The following PRRC2B variants were observed in gnomAD, a reference collection of about 807,000 sequenced individuals.
PRRC2B encodes the protein protein PRRC2B.
A neutral mutation model predicts 242.3 loss-of-function variants in PRRC2B; 68 were observed. The observed-to-expected ratio is 0.28, with a 90% CI of 0.23 to 0.34. The LOEUF (loss-of-function observed/expected upper bound fraction) is 0.34, where lower values mean the gene tolerates loss of function less well. Among genes scored for constraint, PRRC2B ranks in the 10% least tolerant of loss-of-function variants. PRRC2B has a pLI of 1.00. For synonymous variants in PRRC2B, 1,228 were observed against 1,173.6 expected (o/e 1.05, Z -0.95); for missense variants, 2,835 against 2,954.8 (o/e 0.96, Z 0.94).
At chr9:131,419,099 C>T (rs1837732128) in intron 1 of PRRC2B, among the ~76,000 whole-genome samples, 1 of 152,082 alleles carries the variant, frequency 6.6e-6, no homozygotes. Flanking sequence ...TGGGATTATC[C>T]ACTTCCATAA....
At chr9:131,451,881 A>T (rs1020385872) in intron 9 of PRRC2B, among the ~76,000 whole-genome samples, 25 of 152,012 alleles carry the variant, frequency 1.6e-4, no homozygotes, top group Non-Finnish European at 1.0e-4. Flanking sequence ...TTTAATGCTA[A>T]ACCAACCTTG....
chr9:131,452,623 T>TGTTA (rs5900940), intron 9 of PRRC2B, among the ~76,000 whole-genome samples: 149,053 of 152,190 alleles, frequency 0.98, 73,073 homozygotes, highest in East Asian at 1. Flanking sequence ...GGAATTGAAT[T>TGTTA]GTTTTATTAA....
At chr9:131,491,328 T>C (rs761012735) in intron 28 of PRRC2B, 97 bp from the exon 29 acceptor site, 235 of 1,180,608 alleles carry the variant, frequency 2.0e-4, no homozygotes, top group Non-Finnish European at 2.6e-4. Flanking sequence ...TCTTCTGAAG[T>C]GTATGAATCT....
Position 131,475,279 on chromosome 9 carries a change from C to G in PRRC2B, c.3150C>G (p.Ile1050Met). 6.2e-7 allele frequency: 1 copy of G among 1,612,452 alleles called. No individual in the cohort carries two copies. Among genetic ancestry groups the G allele is most frequent in the Non-Finnish European group, 8.5e-7 (1 of 1,179,420 alleles). Residue 1050 changes from isoleucine (I) to methionine (M), a missense_variant, in exon 16 of 32, where the codon ATC becomes ATG. By Grantham distance (10) the Ile-to-Met change is conservative. Transcript: ENST00000683519. ...CCCCCATGAAGAGAAATAACTGGAT[C>G]TTTATTGATGAGGAGCAAGCCTTTG... ...DVPPMKRNNW[I>M]FIDEEQAFGV...
intron 12 of PRRC2B, 89 bp from the exon 13 acceptor site, chr9:131,467,474 C>A: frequency 8.4e-7 from 1 of 1,188,484 alleles, no homozygotes; most frequent in Non-Finnish European, 1.2e-6. Context: ...GCGTACGGGC[C>A]AACAGGAAGA....
rs2131388159 is a variant in PRRC2B, at chr9:131,446,358, C to A, written c.614-43C>A. 1 of 1,607,526 alleles carries A rather than the reference C, an allele frequency of 6.2e-7. No homozygotes were observed. Among genetic ancestry groups the A allele is most frequent in the South Asian group, 1.1e-5 (1 of 90,688 alleles). ...AGAACCTCATACGATCCCTCCTTCCCCCTCCTCTTCCCTCTCCCCTTTTGC... is the reference window on the plus strand; with the variant it reads ...AGAACCTCATACGATCCCTCCTTCCACCTCCTCTTCCCTCTCCCCTTTTGC... On this transcript the variant is annotated intron_variant, in intron 6 of 31. Transcript: ENST00000683519. The surrounding 1 kb of genome is among the most constrained non-coding windows in gnomAD (Gnocchi z 4.1).
intron 1 of PRRC2B, among the ~76,000 whole-genome samples, chr9:131,417,994 T>G (rs1204730630): frequency 6.6e-6 from 1 of 152,218 alleles, no homozygotes; most frequent in African/African-American, 2.4e-5. Context: ...TGTCTGGTCA[T>G]TGGCACAACC....
chr9:131,450,957 G>A (rs1174060271), intron 9 of PRRC2B, among the ~76,000 whole-genome samples: 1 of 152,162 alleles, frequency 6.6e-6, no homozygotes, highest in Non-Finnish European at 1.5e-5. Flanking sequence ...TCTCTCAGCA[G>A]TGTCTTACTT....
At chr9:131,447,243 G>A (rs1432767311) in intron 8 of PRRC2B, 37 bp downstream of exon 8, 1 of 1,610,428 alleles carries the variant, frequency 6.2e-7, no homozygotes, top group Non-Finnish European at 8.5e-7. Flanking sequence ...GTGTAGAGAT[G>A]AGTGCGGTGG....
At chr9:131,392,702 C>A (rs1441384586), upstream of PRRC2B, among the ~76,000 whole-genome samples, 1 of 152,046 alleles carries the variant, frequency 6.6e-6, no homozygotes, top group East Asian at 1.9e-4. Flanking sequence ...CACTTTAGCG[C>A]AGGAGTTCCA....
At position 131,474,730 on chromosome 9, in the gene PRRC2B, G is replaced by T. The variant is rs148672611; in HGVS notation, c.2601G>T (p.Glu867Asp). 9 of 1,612,344 alleles carry T rather than the reference G, an allele frequency of 5.6e-6. No homozygotes were observed. Among genetic ancestry groups the T allele is most frequent in the Non-Finnish European group, 6.8e-6 (8 of 1,179,376 alleles). Reference protein sequence around the residue: ...PDFVPDEKKPECGSWDVSHQP... With the variant: ...PDFVPDEKKPDCGSWDVSHQP... ...TTGTCCCAGATGAGAAAAAGCCAGA[G>T]TGTGGCAGTTGGGATGTTAGCCACC... Residue 867 changes from glutamate to aspartate, a missense_variant, in exon 16 of 32, where the codon GAG becomes GAT. Glu to Asp is a conservative substitution (Grantham distance 45). Around this residue, in one of 7 missense-constraint regions of PRRC2B, gnomAD observed 1,536 missense variants for 1,483.1 expected, o/e 1.04. Coordinates refer to ENST00000683519, the MANE Select transcript of PRRC2B (RefSeq NM_013318.4).
At position 131,487,797 on chromosome 9, in the gene PRRC2B, G is replaced by A; in HGVS notation, c.5985-59G>A. 6.4e-7 allele frequency: 1 copy of A among 1,563,720 alleles called. No homozygotes were observed. The highest frequency in any genetic ancestry group is 8.7e-7 in the Non-Finnish European group (1 of 1,148,944). Reference sequence around the variant, plus strand: ...CTCTCCGGGGATCTCTGAAGGGTGGGACCAGATCCGCAGCTGGACTCATCC... The same window carrying A: ...CTCTCCGGGGATCTCTGAAGGGTGGAACCAGATCCGCAGCTGGACTCATCC... On this transcript the variant is annotated intron_variant, in intron 27 of 31. Transcript: ENST00000683519. The surrounding 1 kb of genome is among the most constrained non-coding windows in gnomAD (Gnocchi z 5.3).
intron 10 of PRRC2B, among the ~76,000 whole-genome samples, chr9:131,455,552 T>C (rs1218721618): frequency 4.1e-4 from 57 of 138,398 alleles, no homozygotes; most frequent in Non-Finnish European, 3.2e-4. Context: ...GCTCTCACTC[T>C]GTCACCCAGG....
intron 4 of PRRC2B, among the ~76,000 whole-genome samples, chr9:131,437,400 G>A (rs573049481): frequency 3.9e-5 from 6 of 152,220 alleles, no homozygotes; most frequent in African/African-American, 1.4e-4. Context: ...CCAAGCAAGA[G>A]CTCATAACAC....
At position 131,482,931 on chromosome 9, in the gene PRRC2B, G is replaced by A. The variant is rs1256938429; in HGVS notation, c.5373+24G>A. On this transcript the variant is annotated intron_variant, in intron 22 of 31. Transcript: ENST00000683519. This position sits in a 1 kb window ranked among gnomAD's most constrained non-coding sequence, Gnocchi z 5.2. ...AAGTGAGGCTTTGATTTGTTTTCTT[G>A]CTTGCTTTTTTTACTTTTTATTTTG... 6.3e-7 allele frequency: 1 copy of A among 1,584,878 alleles called. No homozygotes were observed. Among genetic ancestry groups the A allele is most frequent in the South Asian group, 1.1e-5 (1 of 87,030 alleles).
intron 1 of PRRC2B, among the ~76,000 whole-genome samples, chr9:131,406,620 C>G (rs1837367969): frequency 6.6e-6 from 1 of 152,084 alleles, no homozygotes; most frequent in African/African-American, 2.4e-5. Flanking sequence ...CTTATCTGCC[C>G]CAAATGGATA....
chr9:131,487,775 T>G lies in PRRC2B; in HGVS notation c.5985-81T>G. 6.5e-7 allele frequency: 1 copy of G among 1,533,834 alleles called. No homozygotes were observed. Among genetic ancestry groups the G allele is most frequent in the Non-Finnish European group, 8.8e-7 (1 of 1,133,522 alleles). On this transcript the variant is annotated intron_variant, in intron 27 of 31. Transcript: ENST00000683519. The surrounding 1 kb of genome is among the most constrained non-coding windows in gnomAD (Gnocchi z 5.3). ...CGGGGATCTGTGGTTTAGCAAGCTC[T>G]CCGGGGATCTCTGAAGGGTGGGACC...
chr9:131,490,197 G>A (rs1944148075), intron 28 of PRRC2B, among the ~76,000 whole-genome samples: 1 of 151,508 alleles, frequency 6.6e-6, no homozygotes, highest in African/African-American at 2.4e-5. Context: ...TGCTTGTCCA[G>A]TCCACATCCT....
chr9:131,391,109 T>G (rs754018905), upstream of PRRC2B, among the ~76,000 whole-genome samples: 10 of 152,144 alleles, frequency 6.6e-5, no homozygotes, highest in Non-Finnish European at 1.3e-4. Flanking sequence ...AACCCTTCCC[T>G]CGCTGTGTTG....
Sources: gnomAD v4.1 joint callset for allele counts (sites outside exome capture counted in the v4.1 genomes callset) on GRCh38, gnomAD v4.1.1 for gene constraint, gnomAD v4.1.1 regional missense constraint, Gnocchi (gnomAD v3.1) non-coding constraint, MANE v1.5 for transcripts, NCBI Gene and HGNC (gene_info 2026-07-23, HGNC 2026-07-21) for gene names.